FAM234A: variants seen among roughly 807,000 people sequenced by gnomAD.
The protein encoded by FAM234A is protein FAM234A.
FAM234A carries 42 observed loss-of-function variants against 49.1 expected under a neutral mutation model. The ratio of observed to expected loss-of-function variants is 0.86; its 90% CI spans 0.67 to 1.11. FAM234A has a LOEUF of 1.11. FAM234A is among the 50% of genes least tolerant of loss of function. FAM234A has a pLI of 0.00. For synonymous variants in FAM234A, 369 were observed against 316.2 expected (o/e 1.17, Z -1.77); for missense variants, 815 against 745.2 (o/e 1.09, Z -1.09).
At chr16:263,828 C>G (rs2051582784) in intron 10 of FAM234A, 53 bp downstream of exon 10, 2 of 1,507,784 alleles carry the variant, frequency 1.3e-6, no homozygotes, top group South Asian at 2.2e-5. Context: ...TGAGGATAGA[C>G]TGGTCTGAAA....
At chr16:240,220 C>T (rs1472884799) in intron 1 of FAM234A, 1 of 152,126 alleles carries the variant, frequency 6.6e-6, no homozygotes, top group Admixed American at 6.6e-5. Flanking sequence ...ACACTCGCTA[C>T]AAGATTGGTT....
intron 1 of FAM234A, among the ~76,000 whole-genome samples, chr16:246,065 CGGTGGTGGGTGT>C (rs1428413148): frequency 6.6e-6 from 1 of 150,894 alleles, no homozygotes; most frequent in Non-Finnish European, 1.5e-5. Context: ...TAGCTGGGTG[CGGTGGTGGGTGT>C]GGTGGTGGGT....
rs570360310 is a variant in FAM234A, at chr16:254,685, A to G, written c.268+4A>G. Reference sequence around the variant, plus strand: ...AGGATAGACTACAGTGCCGCTGGTGAGCCTCGGCTTCCCCGCCCAGTGGGG... The same window carrying G: ...AGGATAGACTACAGTGCCGCTGGTGGGCCTCGGCTTCCCCGCCCAGTGGGG... On this transcript the variant is annotated splice_donor_region_variant and intron_variant, in intron 3 of 12. Coordinates refer to ENST00000399932, the MANE Select transcript of FAM234A (RefSeq NM_032039.4). The G allele has an allele frequency of 6.2e-7, 1 of 1,612,642 alleles. No homozygotes were observed. The highest frequency in any genetic ancestry group is 1.7e-5 in the Admixed American group (1 of 59,912).
At chr16:252,158 G>A (rs1248462517) in intron 2 of FAM234A, among the ~76,000 whole-genome samples, 1 of 149,550 alleles carries the variant, frequency 6.7e-6, no homozygotes, top group African/African-American at 2.5e-5. Flanking sequence ...CCACCGTGCT[G>A]GCCATGTCTC....
In FAM234A at chr16:261,478, C is replaced by T; in HGVS notation, c.672C>T (p.Ala224=). The T allele has an allele frequency of 6.2e-7, 1 of 1,612,198 alleles. No homozygotes were observed. Among genetic ancestry groups the T allele is most frequent in the Non-Finnish European group, 8.5e-7 (1 of 1,179,410 alleles). ...LQVPDVDGDG[A]PDLLVLTQER... is the part of the protein sequence containing the mutation. ...TGCCTGATGTGGACGGCGATGGGGC[C>T]CCAGACCTGCTGGTTCTCACCCAGG... is the stretch of plus-strand genomic sequence containing the variant. Residue 224 remains alanine, a synonymous_variant, in exon 6 of 13, where the codon GCC becomes GCT. Coordinates refer to ENST00000399932, the MANE Select transcript of FAM234A (RefSeq NM_032039.4).
chr16:266,652 C>G (rs1359684842), downstream of FAM234A, among the ~76,000 whole-genome samples: 2 of 152,208 alleles, frequency 1.3e-5, no homozygotes, highest in African/African-American at 4.8e-5. Context: ...CCCATTGCTC[C>G]TTCCAAGGCG....
Position 261,451 on chromosome 16 carries a change from G to C in FAM234A, c.645G>C (p.Gln215His). ...CGTCCATCCTGAGCCCTCTGCTGCA[G>C]GTGCCTGATGTGGACGGCGATGGGG... is the stretch of plus-strand genomic sequence containing the variant. ...GNASILSPLL[Q>H]VPDVDGDGAP... Residue 215 changes from glutamine to histidine, a missense_variant, in exon 6 of 13, where the codon CAG (glutamine) becomes CAC (histidine). Physicochemically the swap from Gln to His is conservative, Grantham distance 24 (BLOSUM62 0). Transcript: ENST00000399932. 6.2e-7 allele frequency: 1 copy of C among 1,613,608 alleles called. No individual in the cohort carries two copies. The highest frequency in any genetic ancestry group is 1.7e-5 in the Admixed American group (1 of 60,014).
chr16:253,167 G>A (rs886763687), intron 2 of FAM234A, among the ~76,000 whole-genome samples: 4 of 152,058 alleles, frequency 2.6e-5, no homozygotes, highest in Non-Finnish European at 5.9e-5. Flanking sequence ...TGTGTTTTCC[G>A]TTTTGGTTTC....
chr16:260,279 G>C, intron 5 of FAM234A, 119 bp downstream of exon 5: 1 of 960,588 alleles, frequency 1.0e-6, no homozygotes, highest in Non-Finnish European at 1.6e-6. Context: ...AGGGTGGCTG[G>C]ATGGGAAGGA....
chr16:266,236 G>C, downstream of FAM234A: 1 of 358,402 alleles, frequency 2.8e-6, no homozygotes, highest in South Asian at 1.1e-4. Flanking sequence ...GGCTGCCGAG[G>C]AGGCGAGCAC....
Position 260,247 on chromosome 16 carries a change from G to A in FAM234A, c.577+87G>A, listed in dbSNP as rs1050487817. 96 of 1,229,592 alleles carry A rather than the reference G, an allele frequency of 7.8e-5. 1 individual carries two copies. The highest frequency in any genetic ancestry group is 1.3e-4 in the South Asian group (10 of 75,862). The allele number at this position is 1,229,592 out of a possible 1,614,324, so 76.2% of individuals were successfully genotyped here. A position where few individuals can be genotyped will look rare whatever the true frequency, so the allele number is the denominator to read the frequency against. ...AGGGCTAATGCCAGGAGGCCGCGAC[G>A]AGGCTCAGCCCTGTGATCTTGAGGG... On this transcript the variant is annotated intron_variant, in intron 5 of 12. Coordinates refer to ENST00000399932, the MANE Select transcript of FAM234A (RefSeq NM_032039.4).
rs370199880 is a variant in FAM234A, at chr16:255,956, G to A, written c.268+1275G>A. On this transcript the variant is annotated intron_variant, in intron 3 of 12. Coordinates refer to ENST00000399932, the MANE Select transcript of FAM234A (RefSeq NM_032039.4). ...TGGGATTACCGGCGTGAGCCACCGC[G>A]CCCGGCCTCTAGACATTTCTTAGAA... is the stretch of plus-strand genomic sequence containing the variant. Among the ~76,000 whole-genome samples, 94 of 152,326 alleles carry A rather than the reference G, an allele frequency of 6.2e-4. 1 individual carries two copies. The South Asian group carries it at 0.019, about 31-fold the overall frequency.
chr16:238,775 A>AG (rs2050500146), intron 1 of FAM234A, among the ~76,000 whole-genome samples: 6 of 143,210 alleles, frequency 4.2e-5, no homozygotes, highest in Non-Finnish European at 9.2e-5. Flanking sequence ...CAAAAAAAAA[A>AG]AAAAAAAAAA....
downstream of FAM234A, among the ~76,000 whole-genome samples, chr16:266,726 C>T (rs1335745404): frequency 4.6e-5 from 7 of 152,206 alleles, no homozygotes; most frequent in Non-Finnish European, 7.3e-5. Context: ...AAGCGGTTCT[C>T]TTGTCCCTGA....
At position 246,801 on chromosome 16, in the gene FAM234A, G is replaced by A. The variant is rs376944454; in HGVS notation, c.-139-2748G>A. Among the ~76,000 whole-genome samples, 113 of 134,294 alleles carry A rather than the reference G, an allele frequency of 8.4e-4. 3 individuals are homozygous for A. In the South Asian group the frequency reaches 0.026, roughly 30 times the overall value. 88.1% of individuals were successfully genotyped at this position (134,294 alleles called of 152,430 possible). On this transcript the variant is annotated intron_variant, in intron 1 of 12. Coordinates refer to ENST00000399932, the MANE Select transcript of FAM234A (RefSeq NM_032039.4). ...TGTTTTTTTCTTTTTTTGAGATGGG[G>A]GTCTTGCTCTGTTGCCCAGGCTGGA...
chr16:260,300 G>A, intron 5 of FAM234A, 140 bp downstream of exon 5: 1 of 788,062 alleles, frequency 1.3e-6, no homozygotes. Flanking sequence ...AGGTTATGGG[G>A]AGAACCTCCA....
intron 3 of FAM234A, among the ~76,000 whole-genome samples, chr16:254,993 T>C (rs1163916160): frequency 3.2e-4 from 49 of 152,162 alleles, no homozygotes; most frequent in Non-Finnish European, 1.6e-4. Context: ...ATAGCTGGGA[T>C]TACAGGCGTG....
chr16:241,041 TC>T (rs2050594112), intron 1 of FAM234A, among the ~76,000 whole-genome samples: 1 of 152,048 alleles, frequency 6.6e-6, no homozygotes, highest in South Asian at 2.1e-4. Flanking sequence ...AACCTCAGTC[TC>T]TCGCACAGCT....
chr16:244,444 C>T (rs1251956508), intron 1 of FAM234A, among the ~76,000 whole-genome samples: 1 of 152,160 alleles, frequency 6.6e-6, no homozygotes, highest in African/African-American at 2.4e-5. Context: ...GCCTTTGGAA[C>T]AAAATAGCTT....
Sources: allele counts gnomAD v4.1 joint callset (sites outside exome capture counted in the v4.1 genomes callset), GRCh38; gene constraint gnomAD v4.1.1; transcripts MANE v1.5; gene names NCBI Gene and HGNC (gene_info 2026-07-23, HGNC 2026-07-21).